ARID1A: variants seen among roughly 807,000 people sequenced by gnomAD.
ARID1A encodes AT-rich interactive domain-containing protein 1A.
Under a neutral mutation model 212.6 loss-of-function variants are expected in ARID1A, and 20 were observed. The ratio of observed to expected loss-of-function variants is 0.09; its 90% CI spans 0.07 to 0.14. The LOEUF (loss-of-function observed/expected upper bound fraction) is 0.14. Ranked by LOEUF, ARID1A falls within the 10% of genes least tolerant of loss-of-function variation. ARID1A has a pLI of 1.00. For missense variants in ARID1A, 2,587 were observed against 3,059.0 expected (o/e 0.85, Z 3.64); for synonymous variants, 1,376 against 1,222.1 (o/e 1.13, Z -2.63).
chr1:26,763,438 A>G (rs2081010918), intron 8 of ARID1A, among the ~76,000 whole-genome samples, 153 bp downstream of exon 8: 1 of 152,194 alleles, frequency 6.6e-6, no homozygotes, highest in Admixed American at 6.5e-5. Flanking sequence ...TGGGTCTGAA[A>G]TTTCACGTGA....
At position 26,697,146 on chromosome 1, in the gene ARID1A, G is replaced by C; in HGVS notation, c.743G>C (p.Gly248Ala). ...TPGSGAAAAA[G>A]SKPPPSSSAS... is the part of the protein sequence containing the mutation. ...GGCTCCGGCGCGGCGGCGGCTGCCG[G>C]CTCCAAGCCGCCTCCCTCCTCCAGC... Residue 248 changes from glycine (G) to alanine (A), a missense_variant, in exon 1 of 20, where the codon GGC becomes GCC. Gly to Ala is a moderately conservative substitution (Grantham distance 60). Transcript: ENST00000324856. The C allele has an allele frequency of 1.4e-6, 2 of 1,440,446 alleles. No homozygotes were observed. Among genetic ancestry groups the C allele is most frequent in the Non-Finnish European group, 1.8e-6 (2 of 1,099,866 alleles). 89.2% of individuals were successfully genotyped at this position (1,440,446 alleles called of 1,614,324 possible).
intron 1 of ARID1A, among the ~76,000 whole-genome samples, chr1:26,705,742 A>C (rs919232553): frequency 6.6e-6 from 1 of 152,154 alleles, no homozygotes; most frequent in African/African-American, 2.4e-5. Flanking sequence ...CTCTCCATTT[A>C]AATGGATGAA....
intron 1 of ARID1A, among the ~76,000 whole-genome samples, chr1:26,716,083 G>A (rs1223397889): frequency 2.6e-5 from 4 of 151,270 alleles, no homozygotes; most frequent in Admixed American, 6.6e-5. Context: ...GTGCATGCCC[G>A]TAATCCCAGC....
At chr1:26,743,527 A>G (rs958234068) in intron 4 of ARID1A, among the ~76,000 whole-genome samples, 1 of 152,072 alleles carries the variant, frequency 6.6e-6, no homozygotes, top group African/African-American at 2.4e-5. Context: ...AATCCTCTCA[A>G]TAAATGCTTT....
At chr1:26,703,712 G>T (rs1337767948) in intron 1 of ARID1A, among the ~76,000 whole-genome samples, 3 of 152,226 alleles carry the variant, frequency 2.0e-5, no homozygotes, top group African/African-American at 7.2e-5. Flanking sequence ...ATTGCTGAGA[G>T]CATAGTTTCT....
intron 1 of ARID1A, among the ~76,000 whole-genome samples, chr1:26,718,857 C>G (rs897230328): frequency 7.2e-5 from 11 of 152,020 alleles, no homozygotes; most frequent in African/African-American, 2.7e-4. Context: ...ACATGCATAC[C>G]TATGATAAAG....
Position 26,696,137 on chromosome 1 carries a change from T to A in ARID1A, c.-267T>A. On this transcript the variant is annotated 5_prime_UTR_variant, in exon 1 of 20. Transcript: ENST00000324856. ...GGGGGAATGAGCCGGGAGAGCCGGG[T>A]CCCGAGCCTACAGAGCCGGGAGCAG... 1 of 475,092 alleles carries A rather than the reference T, an allele frequency of 2.1e-6. No individual in the cohort carries two copies. Among genetic ancestry groups the A allele is most frequent in the Non-Finnish European group, 3.0e-6 (1 of 333,578 alleles). The allele number at this position is 475,092 out of a possible 1,614,324, so 29.4% of individuals were successfully genotyped here. A position where few individuals can be genotyped will look rare whatever the true frequency, so the allele number is the denominator to read the frequency against.
At chr1:26,759,452 C>T (rs554885188) in intron 4 of ARID1A, among the ~76,000 whole-genome samples, 1 of 152,278 alleles carries the variant, frequency 6.6e-6, no homozygotes, top group East Asian at 1.9e-4. Context: ...AAGTGATCTG[C>T]CCGCCTCGGC....
rs2080258350 is a variant in ARID1A at position 26,696,671 on chromosome 1, A to AGCG, written c.276_278dup (p.Gly93dup). ...GGGTGGCGGCGGCGGCGGAGCCGGC[A>AGCG]GCGGCGGCGGGCCCGGCGCGGAGCC... On this transcript the variant is annotated inframe_insertion, in exon 1 of 20. Coordinates refer to ENST00000324856, the MANE Select transcript of ARID1A (RefSeq NM_006015.6). 4 of 1,317,532 alleles carry AGCG rather than the reference A, an allele frequency of 3.0e-6. No homozygotes were observed. The highest frequency in any genetic ancestry group is 9.7e-7 in the Non-Finnish European group (1 of 1,035,124). The allele number at this position is 1,317,532 out of a possible 1,614,324, so 81.6% of individuals were successfully genotyped here. A position where few individuals can be genotyped will look rare whatever the true frequency, so the allele number is the denominator to read the frequency against.
Position 26,779,523 on chromosome 1 carries a change from A to C in ARID1A, c.5625A>C (p.Pro1875=), listed in dbSNP as rs776587963. Residue 1875 remains proline (P), a synonymous_variant, in exon 20 of 20, where the codon CCA becomes CCC. Coordinates refer to ENST00000324856, the MANE Select transcript of ARID1A (RefSeq NM_006015.6). ...CTTCCCGGCCTCACGCACCCTGCCC[A>C]CCAGCCCCTCGGAAGCATGTGACAA... ...LLPSRPHAPC[P]PAPRKHVTTA... is the part of the protein sequence containing the mutation. The C allele has an allele frequency of 1.8e-5, 29 of 1,613,978 alleles. No homozygotes were observed. Among genetic ancestry groups the C allele is most frequent in the Non-Finnish European group, 2.4e-5 (28 of 1,180,026 alleles).
rs2124086064 is a variant in ARID1A at position 26,767,813 on chromosome 1, C to T, written c.3012C>T (p.Thr1004=). 6.2e-7 allele frequency: 1 copy of T among 1,613,778 alleles called. No individual in the cohort carries two copies. Among genetic ancestry groups the T allele is most frequent in the Admixed American group, 1.7e-5 (1 of 59,996 alleles). Residue 1004 remains threonine, a synonymous_variant, in exon 11 of 20, where the codon ACC becomes ACT. Transcript: ENST00000324856. ...AGAAATCCAGTTCTTCTACTACAAC[C>T]AATGAGAAGATCACCAAGTTGTATG... ...KSKKSSSSTT[T]NEKITKLYEL... is the part of the protein sequence containing the mutation.
Position 26,773,943 on chromosome 1 carries a change from G to A in ARID1A, c.4101+45G>A, listed in dbSNP as rs751013525. The A allele has an allele frequency of 5.0e-6, 8 of 1,585,526 alleles. No individual in the cohort carries two copies. In the African/African-American group the frequency reaches 8.1e-5, roughly 16 times the overall value. ...ATGGACTGGCATGCAGGTTCGCCTT[G>A]AAAACTAGTTAGTAAACTAATCTAA... On this transcript the variant is annotated intron_variant, in intron 17 of 19. Coordinates refer to ENST00000324856, the MANE Select transcript of ARID1A (RefSeq NM_006015.6).
intron 8 of ARID1A, among the ~76,000 whole-genome samples, chr1:26,763,543 C>T (rs904265405): frequency 1.3e-4 from 20 of 152,198 alleles, no homozygotes; most frequent in Admixed American, 1.2e-3. Flanking sequence ...GAGGCCAAGG[C>T]GGGCAGATCA....
At chr1:26,738,844 C>T (rs1015209863) in intron 4 of ARID1A, among the ~76,000 whole-genome samples, 2 of 151,706 alleles carry the variant, frequency 1.3e-5, no homozygotes, top group African/African-American at 4.8e-5. Context: ...TAGGCGTCAG[C>T]CACTGCGCCC....
chr1:26,706,521 T>G (rs2124756694), intron 1 of ARID1A, among the ~76,000 whole-genome samples: 1 of 152,318 alleles, frequency 6.6e-6, no homozygotes, highest in Non-Finnish European at 1.5e-5. Context: ...CATGAGTGCC[T>G]TTGGGCCCAG....
intron 19 of ARID1A, 143 bp downstream of exon 19, chr1:26,775,850 C>T (rs746547169): frequency 8.7e-6 from 11 of 1,266,506 alleles, no homozygotes; most frequent in Middle Eastern, 3.6e-4. Flanking sequence ...CTTCCTTTGC[C>T]TCTGGGCACG....
chr1:26,702,908 C>T (rs1013894399), intron 1 of ARID1A, among the ~76,000 whole-genome samples: 1 of 152,100 alleles, frequency 6.6e-6, no homozygotes, highest in African/African-American at 2.4e-5. Flanking sequence ...GTAAGTATTA[C>T]CCCAGACACT....
intron 4 of ARID1A, among the ~76,000 whole-genome samples, chr1:26,742,433 GTCT>G (rs1166182769): frequency 2.0e-5 from 3 of 152,158 alleles, no homozygotes; most frequent in African/African-American, 4.8e-5. Flanking sequence ...TTCTGTGTCT[GTCT>G]TCTTAGAACA....
At chr1:26,704,956 A>T (rs2080374496) in intron 1 of ARID1A, among the ~76,000 whole-genome samples, 1 of 152,074 alleles carries the variant, frequency 6.6e-6, no homozygotes. Context: ...AGCCTCTGGA[A>T]TATAGTGATT....
Sources: allele counts gnomAD v4.1 joint callset (sites outside exome capture counted in the v4.1 genomes callset), GRCh38; gene constraint gnomAD v4.1.1; transcripts MANE v1.5; gene names NCBI Gene and HGNC (gene_info 2026-07-23, HGNC 2026-07-21).